RPSA2: variants seen among roughly 807,000 people sequenced by gnomAD.
RPSA2 encodes small ribosomal subunit protein uS2B.
the RPSA2 span, among the ~76,000 whole-genome samples, chr19:23,834,464 T>C: frequency 6.6e-6 from 1 of 152,020 alleles, no homozygotes; most frequent in Non-Finnish European, 1.5e-5. Context: ...GTAAGATGCA[T>C]AATGAAAATT....
the RPSA2 span, among the ~76,000 whole-genome samples, chr19:23,842,385 G>T: frequency 1.3e-5 from 2 of 152,142 alleles, no homozygotes; most frequent in African/African-American, 4.8e-5. Flanking sequence ...TCAGAATGAA[G>T]GAATGCATTA....
At chr19:23,827,495 A>C in the RPSA2 span, 1 of 1,595,928 alleles carries the variant, frequency 6.3e-7, no homozygotes, top group Non-Finnish European at 8.5e-7. Context: ...CACTAACCAG[A>C]TCCAGGCAGC....
chr19:23,870,354 G>A, the RPSA2 span, among the ~76,000 whole-genome samples: 9 of 151,960 alleles, frequency 5.9e-5, no homozygotes, highest in East Asian at 1.7e-3. Context: ...TGGTTCTGTG[G>A]TTAGGGGAAC....
chr19:23,837,681 G>T, the RPSA2 span, among the ~76,000 whole-genome samples: 1 of 151,948 alleles, frequency 6.6e-6, no homozygotes, highest in Non-Finnish European at 1.5e-5. Flanking sequence ...CCTTCATTAG[G>T]TATATTTCCT....
the RPSA2 span, among the ~76,000 whole-genome samples, chr19:23,855,511 C>T: frequency 6.6e-6 from 1 of 152,170 alleles, no homozygotes; most frequent in East Asian, 1.9e-4. Flanking sequence ...AAGCCCACAC[C>T]TCTAATCCAC....
the RPSA2 span, among the ~76,000 whole-genome samples, chr19:23,784,010 C>T: frequency 6.6e-6 from 1 of 152,146 alleles, no homozygotes; most frequent in African/African-American, 2.4e-5. Flanking sequence ...TAACCCTGGC[C>T]CAGCACACAG....
At chr19:23,862,804 T>C in the RPSA2 span, among the ~76,000 whole-genome samples, 1 of 151,988 alleles carries the variant, frequency 6.6e-6, no homozygotes, top group East Asian at 1.9e-4. Context: ...CAGTTTGAGT[T>C]CTAATAGCTG....
chr19:23,820,236 G>A, the RPSA2 span, among the ~76,000 whole-genome samples: 1 of 152,164 alleles, frequency 6.6e-6, no homozygotes, highest in African/African-American at 2.4e-5. Flanking sequence ...TCATGTGATG[G>A]CAGTGAGCCG....
the RPSA2 span, among the ~76,000 whole-genome samples, chr19:23,852,793 C>T: frequency 3.3e-5 from 5 of 152,308 alleles, no homozygotes; most frequent in East Asian, 1.9e-4. Context: ...AATAGTTACC[C>T]AAAAGTTTTT....
At chr19:23,794,105 T>C in the RPSA2 span, among the ~76,000 whole-genome samples, 3 of 152,228 alleles carry the variant, frequency 2.0e-5, no homozygotes, top group East Asian at 5.8e-4. Context: ...CTACCATTGA[T>C]AGGCATTCAA....
the RPSA2 span, among the ~76,000 whole-genome samples, chr19:23,778,694 G>A: frequency 7.9e-5 from 12 of 152,014 alleles, no homozygotes; most frequent in Admixed American, 2.0e-4. Flanking sequence ...AGCCCACACC[G>A]CTTACTGTGA....
the RPSA2 span, among the ~76,000 whole-genome samples, chr19:23,826,134 A>C: frequency 6.6e-6 from 1 of 151,740 alleles, no homozygotes; most frequent in African/African-American, 2.4e-5. Context: ...TTATCTTGCA[A>C]AGCTAAATCT....
chr19:23,838,007 C>A, the RPSA2 span, among the ~76,000 whole-genome samples: 2 of 152,068 alleles, frequency 1.3e-5, no homozygotes, highest in South Asian at 2.1e-4. Context: ...GAGTGGGCAC[C>A]CTTGTCTTGT....
the RPSA2 span, among the ~76,000 whole-genome samples, chr19:23,847,083 A>G: frequency 6.6e-5 from 10 of 152,016 alleles, no homozygotes; most frequent in Non-Finnish European, 1.3e-4. Context: ...GTCTCAGTAA[A>G]TTATTTTAAA....
At chr19:23,761,902 T>TCCATCCTTCCA in the RPSA2 span, among the ~76,000 whole-genome samples, 1 of 62,264 alleles carries the variant, frequency 1.6e-5, no homozygotes, top group African/African-American at 6.9e-5. Flanking sequence ...GGTAACGTAA[T>TCCATCCTTCCA]TCTTTCTTTC....
At chr19:23,770,926 A>G in the RPSA2 span, among the ~76,000 whole-genome samples, 4 of 152,286 alleles carry the variant, frequency 2.6e-5, no homozygotes, top group South Asian at 8.3e-4. Context: ...ATTGTGATGC[A>G]TATCTTATCC....
chr19:23,780,508 T>C, the RPSA2 span, among the ~76,000 whole-genome samples: 1 of 151,560 alleles, frequency 6.6e-6, no homozygotes. Flanking sequence ...CCAGGCGAGG[T>C]GGTGGGCGCC....
the RPSA2 span, among the ~76,000 whole-genome samples, chr19:23,828,947 A>G: frequency 6.6e-6 from 1 of 151,836 alleles, no homozygotes; most frequent in African/African-American, 2.4e-5. Context: ...ACACACACAC[A>G]CACACACACA....
chr19:23,769,908 C>G, the RPSA2 span, among the ~76,000 whole-genome samples: 10 of 152,286 alleles, frequency 6.6e-5, 1 homozygote, highest in Admixed American at 6.5e-4. Flanking sequence ...TATGAAATAT[C>G]TTTATATTAA....
Sources: gnomAD v4.1 joint callset for allele counts (sites outside exome capture counted in the v4.1 genomes callset) on GRCh38, gnomAD v4.1.1 for gene constraint, MANE v1.5 for transcripts, NCBI Gene and HGNC (gene_info 2026-07-23, HGNC 2026-07-21) for gene names.